The following NIBAN2 variants were observed in gnomAD, a reference collection of about 807,000 sequenced individuals.
NIBAN2 encodes niban apoptosis regulator 2, also known as protein Niban 2.
NIBAN2 carries 36 observed loss-of-function variants against 81.8 expected under a neutral mutation model. The observed-to-expected ratio is 0.44, with a 90% CI of 0.34 to 0.58. The LOEUF (loss-of-function observed/expected upper bound fraction) is 0.58. Ranked by LOEUF, NIBAN2 falls within the 20% of genes least tolerant of loss-of-function variation. The probability of loss-of-function intolerance (pLI) is 0.02; values close to 1 mark genes in which losing one functional copy is unlikely to be tolerated. For missense variants in NIBAN2, 897 were observed against 1,014.1 expected (o/e 0.88, Z 1.57); for synonymous variants, 445 against 441.6 (o/e 1.01, Z -0.10).
chr9:127,529,067 G>A (rs775400365), intron 2 of NIBAN2, among the ~76,000 whole-genome samples: 4 of 152,220 alleles, frequency 2.6e-5, no homozygotes, highest in South Asian at 2.1e-4. Context: ...TGGCAGAGTC[G>A]TGTTCAATTG....
At position 127,538,551 on chromosome 9, in the gene NIBAN2, T is replaced by A. The variant is rs554106493; in HGVS notation, c.56-6773A>T. ...CTGAGGCAGGAGAATCACTTCAATC[T>A]GAGAGGCAGAGGTTGCTGTGAGCCA... On this transcript the variant is annotated intron_variant, in intron 1 of 13. Coordinates refer to ENST00000373312, the MANE Select transcript of NIBAN2 (RefSeq NM_022833.4). 3.3e-5 allele frequency among the ~76,000 whole-genome samples: 5 copies of A among 149,922 alleles called. No homozygotes were observed. The South Asian group carries it at 6.3e-4, about 19-fold the overall frequency.
At chr9:127,573,233 G>A (rs1429147490), upstream of NIBAN2, among the ~76,000 whole-genome samples, 1 of 152,124 alleles carries the variant, frequency 6.6e-6, no homozygotes, top group East Asian at 1.9e-4. Flanking sequence ...TTCCTGCAGG[G>A]AAGGAGGGGT....
At chr9:127,528,746 G>A (rs368679869) in intron 2 of NIBAN2, among the ~76,000 whole-genome samples, 5 of 152,140 alleles carry the variant, frequency 3.3e-5, no homozygotes, top group South Asian at 2.1e-4. Flanking sequence ...GCCCTCAGCC[G>A]TCTATGTATA....
At chr9:127,560,023 A>C (rs775065965) in intron 1 of NIBAN2, among the ~76,000 whole-genome samples, 22 of 152,226 alleles carry the variant, frequency 1.4e-4, no homozygotes, top group Non-Finnish European at 2.9e-4. Flanking sequence ...GGCAGCTGCC[A>C]AATGACAGGG....
Position 127,516,983 on chromosome 9 carries a change from C to T in NIBAN2, c.847G>A (p.Ala283Thr). 1 of 1,614,064 alleles carries T rather than the reference C, an allele frequency of 6.2e-7. No individual in the cohort carries two copies. The highest frequency in any genetic ancestry group is 1.1e-5 in the South Asian group (1 of 91,082). The change falls in exon 8 of 14, where the codon GCC (alanine) becomes ACC (threonine). Residue 283 changes from alanine (A) to threonine (T), a missense_variant. This residue lies in a region of NIBAN2 where 619 missense variants were observed against 691.0 expected (regional missense o/e 0.90). Transcript: ENST00000373312. ...DAVYHMVYEQ[A>T]KARFEEVLSK... ...AGCACCTCCTCGAAGCGCGCCTTGGCCTGCTCGTACACCATGTGGTACACG... is the reference window on the plus strand; with the variant it reads ...AGCACCTCCTCGAAGCGCGCCTTGGTCTGCTCGTACACCATGTGGTACACG...
intron 1 of NIBAN2, among the ~76,000 whole-genome samples, chr9:127,535,950 AG>A (rs1837268784): frequency 6.6e-6 from 1 of 152,004 alleles, no homozygotes; most frequent in Non-Finnish European, 1.5e-5. Context: ...TGCTGCAGGT[AG>A]GGGGACAGCA....
rs1370955604 is a variant in NIBAN2, at chr9:127,536,039, G to A, written c.56-4261C>T. Among the ~76,000 whole-genome samples, 1 of 152,100 alleles carries A rather than the reference G, an allele frequency of 6.6e-6. No individual in the cohort carries two copies. Among genetic ancestry groups the A allele is most frequent in the African/African-American group, 2.4e-5 (1 of 41,418 alleles). ...CAGCTCCGCTCAGAAGAAGGGTGGC[G>A]ACCACGGGAGAGCTAGAAAGGGAGG... On this transcript the variant is annotated intron_variant, in intron 1 of 13. Transcript: ENST00000373312. This position sits in a 1 kb window ranked among gnomAD's most constrained non-coding sequence, Gnocchi z 4.0.
intron 1 of NIBAN2, among the ~76,000 whole-genome samples, chr9:127,567,383 G>A (rs1000824830): frequency 1.3e-5 from 2 of 152,186 alleles, no homozygotes; most frequent in East Asian, 3.9e-4. Context: ...GGATAAGGAG[G>A]CTTTCCAGGA....
intron 1 of NIBAN2, among the ~76,000 whole-genome samples, chr9:127,532,711 T>C (rs1294313819): frequency 6.6e-6 from 1 of 151,960 alleles, no homozygotes; most frequent in Non-Finnish European, 1.5e-5. Flanking sequence ...GAGTCACCTG[T>C]TGACTATCAG....
intron 3 of NIBAN2, 75 bp downstream of exon 3, chr9:127,527,119 G>T: frequency 8.8e-6 from 14 of 1,581,960 alleles, no homozygotes; most frequent in Non-Finnish European, 1.2e-5. Flanking sequence ...TGGGGCCTAA[G>T]TTTCCGAGTT....
At chr9:127,520,833 G>A (rs374839175) in intron 5 of NIBAN2, among the ~76,000 whole-genome samples, 139 of 152,190 alleles carry the variant, frequency 9.1e-4, no homozygotes, top group Middle Eastern at 3.4e-3. Flanking sequence ...GCAGTGAGCC[G>A]AGATTGCGCC....
Position 127,508,653 on chromosome 9 carries a change from G to T in NIBAN2, c.1318-115C>A. 1.1e-6 allele frequency: 1 copy of T among 897,896 alleles called. No individual in the cohort carries two copies. Among genetic ancestry groups the T allele is most frequent in the Non-Finnish European group, 1.8e-6 (1 of 551,026 alleles). The allele number at this position is 897,896 out of a possible 1,614,324, so 55.6% of individuals were successfully genotyped here. ...CCCCCACCCCGAGGCCTGCCAGGGA[G>T]GAATGGCAAGCGGTCTATGCCCACT... On this transcript the variant is annotated intron_variant, in intron 10 of 13. Coordinates refer to ENST00000373312, the MANE Select transcript of NIBAN2 (RefSeq NM_022833.4). The surrounding 1 kb of genome is among the most constrained non-coding windows in gnomAD (Gnocchi z 6.4).
chr9:127,546,437 C>T (rs1460788934), intron 1 of NIBAN2, among the ~76,000 whole-genome samples: 1 of 152,194 alleles, frequency 6.6e-6, no homozygotes, highest in Non-Finnish European at 1.5e-5. Context: ...GGCCTGGACA[C>T]CTGCCCTGGG....
chr9:127,571,953 A>G (rs1837955206), upstream of NIBAN2, among the ~76,000 whole-genome samples: 1 of 152,208 alleles, frequency 6.6e-6, no homozygotes, highest in Admixed American at 6.5e-5. Flanking sequence ...GTAAGAGAAC[A>G]TATTTATCTA....
chr9:127,505,404 A>G lies in NIBAN2; in HGVS notation c.*1441T>C, dbSNP rs1283364783. 2 of 152,776 alleles carry G rather than the reference A, an allele frequency of 1.3e-5. No individual in the cohort carries two copies. Among genetic ancestry groups the G allele is most frequent in the African/African-American group, 2.4e-5 (1 of 41,574 alleles). 9.5% of individuals were successfully genotyped at this position (152,776 alleles called of 1,614,324 possible). A position where few individuals can be genotyped will look rare whatever the true frequency, so the allele number is the denominator to read the frequency against. ...ACAGTGTGCATAATATTTTCAATAC[A>G]ATATCAGGGAGGGATGATGGGAACC... On this transcript the variant is annotated 3_prime_UTR_variant, in exon 14 of 14. Transcript: ENST00000373312.
At chr9:127,569,186 G>C, upstream of NIBAN2, 2 of 605,106 alleles carry the variant, frequency 3.3e-6, no homozygotes, top group East Asian at 2.3e-4. Context: ...CGCCCGCCGC[G>C]TCCCACCCCG....
In NIBAN2 at chr9:127,523,189, AAAAATATATATATATATATATATATAT is replaced by A. The variant is rs1564301307; in HGVS notation, c.589+463_589+489del. Among the ~76,000 whole-genome samples the A allele has an allele frequency of 7.3e-4, 17 of 23,156 alleles. 2 individuals are homozygous for A. The highest frequency in any genetic ancestry group is 1.4e-3 in the African/African-American group (7 of 4,924). 15.2% of individuals were successfully genotyped at this position (23,156 alleles called of 152,430 possible). ...GGTTTTAAAAAAAAAAAAAAAAAAA[AAAAATATATATATATATATATATATAT>A]ATATATATATATATATATATATATA... On this transcript the variant is annotated intron_variant, in intron 5 of 13. Coordinates refer to ENST00000373312, the MANE Select transcript of NIBAN2 (RefSeq NM_022833.4).
rs1428638956 is a variant in NIBAN2, at chr9:127,554,121, CAG to C, written c.55+14697_55+14698del. ...GGGGCTCAGAGGCTGGGCACACAGACAGAGCCTACCTAACACAAATTTGTTGC... is the reference window on the plus strand; with the variant it reads ...GGGGCTCAGAGGCTGGGCACACAGACAGCCTACCTAACACAAATTTGTTGC... On this transcript the variant is annotated intron_variant, in intron 1 of 13. Coordinates refer to ENST00000373312, the MANE Select transcript of NIBAN2 (RefSeq NM_022833.4). Among the ~76,000 whole-genome samples the C allele has an allele frequency of 4.6e-5, 7 of 152,356 alleles. No individual in the cohort carries two copies. The East Asian group carries it at 1.2e-3, about 25-fold the overall frequency.
intron 1 of NIBAN2, among the ~76,000 whole-genome samples, chr9:127,562,702 C>T (rs981131200): frequency 6.6e-6 from 1 of 152,198 alleles, no homozygotes; most frequent in African/African-American, 2.4e-5. Flanking sequence ...GGAGATGAAT[C>T]GGTCTTCGAC....
Sources: allele counts gnomAD v4.1 joint callset (sites outside exome capture counted in the v4.1 genomes callset), GRCh38; gene constraint gnomAD v4.1.1; regional missense constraint gnomAD v4.1.1; non-coding constraint Gnocchi (gnomAD v3.1); transcripts MANE v1.5; gene names NCBI Gene and HGNC (gene_info 2026-07-23, HGNC 2026-07-21).